EPHB2: variants seen among roughly 807,000 people sequenced by gnomAD.
EPHB2 encodes the protein EPH receptor B2, also known as ephrin type-B receptor 2.
In EPHB2, 18 loss-of-function variants were observed where a neutral mutation model predicts 96.4. The observed-to-expected ratio is 0.19, with a 90% CI of 0.13 to 0.28. The LOEUF is 0.28. EPHB2 is among the 10% of genes least tolerant of loss of function. EPHB2 has a pLI of 1.00. For missense variants in EPHB2, 989 were observed against 1,355.4 expected (o/e 0.73, Z 4.25); for synonymous variants, 506 against 534.1 (o/e 0.95, Z 0.72).
chr1:22,721,072 T>A (rs1035559022), intron 1 of EPHB2, among the ~76,000 whole-genome samples: 3 of 152,122 alleles, frequency 2.0e-5, no homozygotes, highest in Non-Finnish European at 2.9e-5. Flanking sequence ...AAAGACCGGG[T>A]AAGGGGGTGA....
rs749130502 is a variant in EPHB2 at position 22,863,025 on chromosome 1, C to T, written c.812-12C>T. The T allele has an allele frequency of 2.0e-5, 33 of 1,614,080 alleles. No individual in the cohort carries two copies. Among genetic ancestry groups the T allele is most frequent in the Non-Finnish European group, 2.6e-5 (31 of 1,180,046 alleles). ...CCAGTTTCCTGGTGACTCTCCTTGT[C>T]TTCTCTCTCAGGTTGTCCATCTGGG... is the stretch of plus-strand genomic sequence containing the variant. On this transcript the variant is annotated splice_polypyrimidine_tract_variant and intron_variant, in intron 3 of 15. Coordinates refer to ENST00000374630, the MANE Select transcript of EPHB2 (RefSeq NM_017449.5).
At chr1:22,736,679 ACT>A (rs1212684895) in intron 1 of EPHB2, among the ~76,000 whole-genome samples, 1 of 152,110 alleles carries the variant, frequency 6.6e-6, no homozygotes, top group Non-Finnish European at 1.5e-5. Flanking sequence ...CGCCGCTGAC[ACT>A]CTGGCAGGGT....
intron 1 of EPHB2, among the ~76,000 whole-genome samples, chr1:22,724,746 A>G (rs1215770776): frequency 6.6e-6 from 1 of 152,144 alleles, no homozygotes; most frequent in Admixed American, 6.5e-5. Context: ...GCCGCAGGAC[A>G]TGGCCCTTTC....
intron 1 of EPHB2, among the ~76,000 whole-genome samples, chr1:22,777,681 A>G (rs1430665158): frequency 6.6e-6 from 1 of 152,238 alleles, no homozygotes; most frequent in Non-Finnish European, 1.5e-5. Context: ...TGGAGGCTGT[A>G]GCCACGGAGC....
In EPHB2 at chr1:22,909,191, G is replaced by C. The variant is rs1303328329; in HGVS notation, c.2502+20G>C. On this transcript the variant is annotated intron_variant, in intron 13 of 15. Transcript: ENST00000374630. ...CAGGATGTAAGTCTCCAAGGGGATA[G>C]GCAAGGCCTCTCTGGCCCACCAGAT... 2 of 1,614,132 alleles carry C rather than the reference G, an allele frequency of 1.2e-6. No homozygotes were observed. The highest frequency in any genetic ancestry group is 2.2e-5 in the South Asian group (2 of 91,088).
intron 1 of EPHB2, among the ~76,000 whole-genome samples, chr1:22,737,984 G>A (rs1220204706): frequency 4.6e-5 from 7 of 152,154 alleles, no homozygotes; most frequent in Admixed American, 4.6e-4. Context: ...GCCAGAACAA[G>A]GCAGCTCTTA....
chr1:22,907,905 G>A, intron 11 of EPHB2, 48 bp from the exon 12 acceptor site: 24 of 1,602,556 alleles, frequency 1.5e-5, no homozygotes, highest in South Asian at 2.2e-5. Context: ...GCAGAGCTCT[G>A]ATGCCTGCTC....
chr1:22,718,865 G>A (rs1327666053), intron 1 of EPHB2, among the ~76,000 whole-genome samples: 2 of 152,130 alleles, frequency 1.3e-5, no homozygotes, highest in East Asian at 3.9e-4. Flanking sequence ...GGCAGCGATT[G>A]AAACCCAAGT....
At chr1:22,826,780 G>A (rs10917313) in intron 3 of EPHB2, among the ~76,000 whole-genome samples, 81,106 of 149,874 alleles carry the variant, frequency 0.54, 21,814 homozygotes, top group East Asian at 0.7. Context: ...ATGTCCCACA[G>A]CTCCCTCCTT....
Position 22,913,952 on chromosome 1 carries a change from T to C in EPHB2, c.*382T>C. On this transcript the variant is annotated 3_prime_UTR_variant, in exon 16 of 16. Transcript: ENST00000374630. The surrounding 1 kb of genome is among the most constrained non-coding windows in gnomAD (Gnocchi z 4.1). ...TCCAACTCCCTCTGGGAAGGTGACC[T>C]GGCCAGAGCCAAGAAACACTTTCAG... The C allele has an allele frequency of 1.4e-6, 2 of 1,461,042 alleles. No homozygotes were observed. Among genetic ancestry groups the C allele is most frequent in the African/African-American group, 2.9e-5 (2 of 70,172 alleles). 90.5% of individuals were successfully genotyped at this position (1,461,042 alleles called of 1,614,324 possible). A position where few individuals can be genotyped will look rare whatever the true frequency, so the allele number is the denominator to read the frequency against.
intron 3 of EPHB2, among the ~76,000 whole-genome samples, chr1:22,854,587 C>T (rs1645672840): frequency 6.6e-6 from 1 of 152,224 alleles, no homozygotes; most frequent in South Asian, 2.1e-4. Flanking sequence ...GTGATTTGGA[C>T]AGAGTGCTTC....
chr1:22,732,380 C>T (rs1419150977), intron 1 of EPHB2, among the ~76,000 whole-genome samples: 3 of 149,056 alleles, frequency 2.0e-5, no homozygotes, highest in South Asian at 2.2e-4. Context: ...TTTGGGGAAG[C>T]GCGTGGGGGG....
chr1:22,889,239 T>G (rs1220694017), intron 6 of EPHB2, among the ~76,000 whole-genome samples: 1 of 152,118 alleles, frequency 6.6e-6, no homozygotes, highest in Non-Finnish European at 1.5e-5. Flanking sequence ...AGGGAGCTGC[T>G]CAGGTTGGTT....
At chr1:22,760,840 G>A (rs964360594) in intron 1 of EPHB2, among the ~76,000 whole-genome samples, 6 of 152,158 alleles carry the variant, frequency 3.9e-5, no homozygotes, top group African/African-American at 1.4e-4. Context: ...GCTGTGTCTC[G>A]GGTAGGTATA....
chr1:22,859,429 G>T (rs1247926469), intron 3 of EPHB2, among the ~76,000 whole-genome samples: 1 of 152,114 alleles, frequency 6.6e-6, no homozygotes, highest in Non-Finnish European at 1.5e-5. Flanking sequence ...TGCTTGGGGA[G>T]CTGATGTGGA....
chr1:22,741,679 C>CAAA (rs747438721), intron 1 of EPHB2, among the ~76,000 whole-genome samples: 20 of 73,872 alleles, frequency 2.7e-4, no homozygotes, highest in South Asian at 5.7e-4. Flanking sequence ...TTCTTCCCAG[C>CAAA]AAAAAAAAAC....
In EPHB2 at chr1:22,733,733, G is replaced by A. The variant is rs973904125; in HGVS notation, c.61+22690G>A. Among the ~76,000 whole-genome samples, 2 of 152,200 alleles carry A rather than the reference G, an allele frequency of 1.3e-5. No individual in the cohort carries two copies. The highest frequency in any genetic ancestry group is 1.3e-4 in the Admixed American group (2 of 15,282). ...GAACCCGCGATTCTCTAAGTCCAAA[G>A]CCCATGCTCATGACACGCTACTACA... On this transcript the variant is annotated intron_variant, in intron 1 of 15. Coordinates refer to ENST00000374630, the MANE Select transcript of EPHB2 (RefSeq NM_017449.5). The surrounding 1 kb of genome is among the most constrained non-coding windows in gnomAD (Gnocchi z 4.6).
At chr1:22,911,353 A>G (rs1048334686) in intron 14 of EPHB2, among the ~76,000 whole-genome samples, 1 of 152,046 alleles carries the variant, frequency 6.6e-6, no homozygotes, top group Non-Finnish European at 1.5e-5. Context: ...ACAATTAGGC[A>G]CAAACACTCA....
At chr1:22,761,265 G>C (rs1019809266) in intron 1 of EPHB2, among the ~76,000 whole-genome samples, 1 of 152,184 alleles carries the variant, frequency 6.6e-6, no homozygotes, top group Non-Finnish European at 1.5e-5. Context: ...CAGATTATGA[G>C]AAGCAAAAAA....
Sources: gnomAD v4.1 joint callset for allele counts (sites outside exome capture counted in the v4.1 genomes callset) on GRCh38, gnomAD v4.1.1 for gene constraint, Gnocchi (gnomAD v3.1) non-coding constraint, MANE v1.5 for transcripts, NCBI Gene and HGNC (gene_info 2026-07-23, HGNC 2026-07-21) for gene names.